Variants in DRD2 observed in about 807,000 individuals in gnomAD.
DRD2 encodes the protein dopamine receptor D2.
Under a neutral mutation model 38.0 loss-of-function variants are expected in DRD2, and 8 were observed. The ratio of observed to expected loss-of-function variants is 0.21; its 90% CI spans 0.12 to 0.38. The LOEUF (loss-of-function observed/expected upper bound fraction) is 0.38, where lower values mean the gene tolerates loss of function less well. Among genes scored for constraint, DRD2 ranks in the 10% least tolerant of loss-of-function variants. DRD2 has a pLI of 1.00. For missense variants in DRD2, 403 were observed against 607.7 expected, an observed-to-expected ratio of 0.66 and a Z score of 3.54; for synonymous variants, 230 against 238.6, an observed-to-expected ratio of 0.96 and a Z score of 0.33.
intron 1 of DRD2, among the ~76,000 whole-genome samples, chr11:113,466,960 A>T (rs951546625): frequency 2.6e-5 from 4 of 152,174 alleles, no homozygotes; most frequent in African/African-American, 9.7e-5. Flanking sequence ...CATTAGTCAC[A>T]ATGTGACTCT....
chr11:113,424,292 G>T, intron 2 of DRD2, 75 bp downstream of exon 2: 1 of 1,521,718 alleles, frequency 6.6e-7, no homozygotes, highest in Non-Finnish European at 9.0e-7. Flanking sequence ...AAAGCCAGTG[G>T]GGAGCTAGAG....
intron 1 of DRD2, among the ~76,000 whole-genome samples, chr11:113,433,736 G>C (rs1951010819): frequency 1.3e-5 from 2 of 152,152 alleles, no homozygotes; most frequent in Admixed American, 6.5e-5. Context: ...TATGCAGCTG[G>C]AGCCAGAGAG....
rs755559594 is a variant in DRD2, at chr11:113,415,486, G to A, written c.658C>T (p.Arg220Cys). 2 of 1,614,142 alleles carry A rather than the reference G, an allele frequency of 1.2e-6. No homozygotes were observed. The highest frequency in any genetic ancestry group is 2.2e-5 in the East Asian group (1 of 44,868). The part of the protein sequence containing the change: ...IKIYIVLRRR[R>C]KRVNTKRSSR... ...CTGCGTTTGGTGTTGACTCGCTTGC[G>A]GCGTCTGCGGAGGACAATGTAGATC... Residue 220 changes from arginine (R) to cysteine (C), a missense_variant, in exon 5 of 8, where the codon CGC (arginine) becomes TGC (cysteine). By Grantham distance (180) the Arg-to-Cys change is radical (BLOSUM62 -3). Around this residue, in one of 4 missense-constraint regions of DRD2, gnomAD observed 166 missense variants for 178.6 expected, o/e 0.93. Coordinates refer to ENST00000362072, the MANE Select transcript of DRD2 (RefSeq NM_000795.4).
chr11:113,420,319 T>G (rs1260949216), intron 2 of DRD2, among the ~76,000 whole-genome samples: 2 of 152,234 alleles, frequency 1.3e-5, no homozygotes, highest in African/African-American at 4.8e-5. Flanking sequence ...GACACAGTCC[T>G]GCCTTCATGG....
chr11:113,418,814 T>G (rs1289897478), intron 2 of DRD2, among the ~76,000 whole-genome samples: 2 of 152,186 alleles, frequency 1.3e-5, no homozygotes, highest in African/African-American at 4.8e-5. Flanking sequence ...GCCTTGCACT[T>G]CCTGTGGGAG....
chr11:113,414,503 G>A, intron 5 of DRD2, 42 bp from the exon 6 acceptor site: 1 of 1,610,136 alleles, frequency 6.2e-7, no homozygotes, highest in Non-Finnish European at 8.5e-7. Context: ...AAGTGGTGGG[G>A]ATGGAGGGGG....
Position 113,467,096 on chromosome 11 carries a change from G to A in DRD2, c.-32+7980C>T, listed in dbSNP as rs1457766447. 3.3e-5 allele frequency among the ~76,000 whole-genome samples: 5 copies of A among 152,118 alleles called. No individual in the cohort carries two copies. In the East Asian group the frequency reaches 9.7e-4, roughly 29 times the overall value. ...CTGACATCCTCTGCCTGGGACCCTGGAAGTTAGTTTCTGCTTGTCAACACA... is the reference window on the plus strand; with the variant it reads ...CTGACATCCTCTGCCTGGGACCCTGAAAGTTAGTTTCTGCTTGTCAACACA... On this transcript the variant is annotated intron_variant, in intron 1 of 7. Coordinates refer to ENST00000362072, the MANE Select transcript of DRD2 (RefSeq NM_000795.4).
rs79771736 is a variant in DRD2, at chr11:113,432,361, A to T, written c.-31-7679T>A. On this transcript the variant is annotated intron_variant, in intron 1 of 7. Coordinates refer to ENST00000362072, the MANE Select transcript of DRD2 (RefSeq NM_000795.4). ...ATCCCCACCACCTCATTTCTATTTC[A>T]TCTGGGGCACAGAGCTAGAAAGGTG... Among the ~76,000 whole-genome samples, 561 of 146,108 alleles carry T rather than the reference A, an allele frequency of 3.8e-3. 2 individuals carry two copies. Among genetic ancestry groups the T allele is most frequent in the African/African-American group, 0.014 (539 of 39,168 alleles).
chr11:113,474,795 C>T (rs967667909), intron 1 of DRD2, among the ~76,000 whole-genome samples: 2 of 151,796 alleles, frequency 1.3e-5, no homozygotes, highest in South Asian at 2.1e-4. Context: ...GGGGAGGCTG[C>T]CCCAGCTGCG....
At position 113,412,901 on chromosome 11, in the gene DRD2, G is replaced by T; in HGVS notation, c.811-18C>A. The T allele has an allele frequency of 6.2e-7, 1 of 1,607,016 alleles. No individual in the cohort carries two copies. ...GCAGCCTCCTGCACCAGAGGCAGAGGGCTCTGGGTAAAGCCGGACAAGTTC... is the reference window on the plus strand; with the variant it reads ...GCAGCCTCCTGCACCAGAGGCAGAGTGCTCTGGGTAAAGCCGGACAAGTTC... On this transcript the variant is annotated intron_variant, in intron 6 of 7. Coordinates refer to ENST00000362072, the MANE Select transcript of DRD2 (RefSeq NM_000795.4).
chr11:113,456,461 C>T (rs1276298880), intron 1 of DRD2, among the ~76,000 whole-genome samples: 2 of 152,054 alleles, frequency 1.3e-5, no homozygotes, highest in Admixed American at 6.5e-5. Flanking sequence ...GTGATGGGTA[C>T]GTTAATTAGC....
At chr11:113,447,983 T>C (rs4936271) in intron 1 of DRD2, among the ~76,000 whole-genome samples, 77,540 of 151,792 alleles carry the variant, frequency 0.51, 21,081 homozygotes, top group East Asian at 0.82. Context: ...CAACTGTCTA[T>C]TGTGGTTAAA....
intron 1 of DRD2, among the ~76,000 whole-genome samples, chr11:113,438,392 C>T (rs926690265): frequency 1.3e-5 from 2 of 152,022 alleles, no homozygotes; most frequent in Non-Finnish European, 2.9e-5. Flanking sequence ...TGGTAGGTGC[C>T]CAATAAGTGG....
intron 1 of DRD2, among the ~76,000 whole-genome samples, chr11:113,455,447 A>C (rs1951260409): frequency 6.6e-6 from 1 of 152,210 alleles, no homozygotes; most frequent in African/African-American, 2.4e-5. Context: ...CAAAAGAAAA[A>C]TCAACAAACT....
chr11:113,438,078 C>G (rs1951055356), intron 1 of DRD2, among the ~76,000 whole-genome samples: 2 of 152,174 alleles, frequency 1.3e-5, no homozygotes, highest in Admixed American at 6.5e-5. Flanking sequence ...GCATACCACT[C>G]CACATCCTGG....
chr11:113,437,467 T>C (rs1951049596), intron 1 of DRD2, among the ~76,000 whole-genome samples: 1 of 152,134 alleles, frequency 6.6e-6, no homozygotes, highest in Non-Finnish European at 1.5e-5. Context: ...CATATAATTA[T>C]ATGAGGGAAG....
intron 1 of DRD2, among the ~76,000 whole-genome samples, chr11:113,425,869 T>C (rs1273925016): frequency 1.3e-5 from 2 of 152,128 alleles, no homozygotes; most frequent in East Asian, 3.9e-4. Flanking sequence ...CAATTCTGTT[T>C]GGCCAAAAAT....
intron 1 of DRD2, among the ~76,000 whole-genome samples, chr11:113,433,394 G>A (rs1200797141): frequency 6.6e-6 from 1 of 152,202 alleles, no homozygotes; most frequent in African/African-American, 2.4e-5. Context: ...CACTACTGTG[G>A]GGGAACAGGT....
chr11:113,426,084 A>T (rs61015848), intron 1 of DRD2, among the ~76,000 whole-genome samples: 5,257 of 152,228 alleles, frequency 0.035, 115 homozygotes, highest in South Asian at 0.059. Flanking sequence ...AATTGTGGTC[A>T]TCTGAACGAA....
Sources: gnomAD v4.1 joint callset for allele counts (sites outside exome capture counted in the v4.1 genomes callset) on GRCh38, gnomAD v4.1.1 for gene constraint, gnomAD v4.1.1 regional missense constraint, MANE v1.5 for transcripts, NCBI Gene and HGNC (gene_info 2026-07-23, HGNC 2026-07-21) for gene names.